PLG: variants seen among roughly 807,000 people sequenced by gnomAD.
PLG encodes plasminogen, also known as plasmin.
PLG carries 41 observed loss-of-function variants against 104.4 expected under a neutral mutation model. The observed-to-expected ratio is 0.39, with a 90% CI of 0.31 to 0.51. PLG has a LOEUF of 0.51. PLG is among the 20% of genes least tolerant of loss of function. The pLI is 0.76. For missense variants in PLG, 891 were observed against 1,003.6 expected (o/e 0.89, Z 1.52); for synonymous variants, 337 against 357.1 (o/e 0.94, Z 0.63).
In PLG at chr6:160,738,617, GT is replaced by G; in HGVS notation, c.1877+8del. 6.4e-7 allele frequency: 1 copy of G among 1,572,228 alleles called. No individual in the cohort carries two copies. On this transcript the variant is annotated splice_donor_region_variant and intron_variant, in intron 15 of 18. Transcript: ENST00000308192. This position sits in a 1 kb window ranked among gnomAD's most constrained non-coding sequence, Gnocchi z 6.8. ...TGCTGCCCACTGCTTGGAGAAGTAT[GT>G]TTAGGGGACAATTGACATGAAGTCT...
chr6:160,721,935 C>T (rs1777837108), intron 9 of PLG, among the ~76,000 whole-genome samples: 2 of 152,318 alleles, frequency 1.3e-5, no homozygotes, highest in South Asian at 2.1e-4. Context: ...TGGATCTTTG[C>T]CTGCAGTCCT....
intron 8 of PLG, 41 bp from the exon 9 acceptor site, chr6:160,718,652 T>C: frequency 6.2e-7 from 1 of 1,609,946 alleles, no homozygotes; most frequent in Non-Finnish European, 8.5e-7. Context: ...CTAGACTTTT[T>C]TCTTTTTGGA....
chr6:160,719,492 A>T lies in PLG; in HGVS notation c.1096+654A>T, dbSNP rs1164028687. On this transcript the variant is annotated intron_variant, in intron 9 of 18. Transcript: ENST00000308192. This position sits in a 1 kb window ranked among gnomAD's most constrained non-coding sequence, Gnocchi z 4.1. ...TAAATTTATCTGAGCTTTTAAATTG[A>T]GATGTTCAAACCATTTGCATTCATG... is the stretch of plus-strand genomic sequence containing the variant. Among the ~76,000 whole-genome samples, 1 of 152,154 alleles carries T rather than the reference A, an allele frequency of 6.6e-6. No homozygotes were observed. The highest frequency in any genetic ancestry group is 1.5e-5 in the Non-Finnish European group (1 of 68,032).
chr6:160,729,018 T>A (rs2115171937), intron 10 of PLG, among the ~76,000 whole-genome samples: 1 of 152,196 alleles, frequency 6.6e-6, no homozygotes, highest in South Asian at 2.1e-4. Context: ...TGACAAATGG[T>A]TTGTATCTAG....
At chr6:160,727,275 G>T (rs1173749808) in intron 10 of PLG, among the ~76,000 whole-genome samples, 1 of 149,514 alleles carries the variant, frequency 6.7e-6, no homozygotes, top group Non-Finnish European at 1.5e-5. Context: ...AAGACAACAT[G>T]TGTATATAAT....
chr6:160,714,901 T>A lies in PLG; in HGVS notation c.655T>A (p.Tyr219Asn), dbSNP rs151092364. 6.2e-7 allele frequency: 1 copy of A among 1,613,764 alleles called. No homozygotes were observed. Among genetic ancestry groups the A allele is most frequent in the Non-Finnish European group, 8.5e-7 (1 of 1,179,786 alleles). ...CTCTCAGAGCCCACACGCTCATGGA[T>A]ACATTCCTTCCAAGTAAGTCTCACT... ...WDSQSPHAHG[Y>N]IPSKFPNKNL... The change falls in exon 6 of 19, where the codon TAC becomes AAC. Residue 219 changes from tyrosine (Y) to asparagine (N), a missense_variant. Transcript: ENST00000308192.
intron 9 of PLG, 56 bp from the exon 10 acceptor site, chr6:160,722,352 C>A (rs569230380): frequency 3.2e-5 from 44 of 1,360,062 alleles, no homozygotes; most frequent in Non-Finnish European, 3.2e-6. Flanking sequence ...TAAATTGCTT[C>A]ATGCTTCTTT....
rs1777911081 is a variant in PLG at position 160,725,732 on chromosome 6, T to A, written c.1256+3165T>A. ...CTTTTTACTATACATGCTCTTTAAT[T>A]GTAAAGAGCTAGTCCAAAAACCAAG... is the stretch of plus-strand genomic sequence containing the variant. On this transcript the variant is annotated intron_variant, in intron 10 of 18. Coordinates refer to ENST00000308192, the MANE Select transcript of PLG (RefSeq NM_000301.5). The surrounding 1 kb of genome is among the most constrained non-coding windows in gnomAD (Gnocchi z 6.3). Among the ~76,000 whole-genome samples, 1 of 152,054 alleles carries A rather than the reference T, an allele frequency of 6.6e-6. No homozygotes were observed. The highest frequency in any genetic ancestry group is 2.1e-4 in the South Asian group (1 of 4,828).
intron 4 of PLG, chr6:160,711,563 C>T (rs1777642931): frequency 1.2e-6 from 2 of 1,607,298 alleles, no homozygotes; most frequent in Non-Finnish European, 1.7e-6. Context: ...TAATTCAAAC[C>T]ACAATATGTG....
chr6:160,742,613 C>T (rs1452415056), intron 17 of PLG, among the ~76,000 whole-genome samples: 1 of 151,812 alleles, frequency 6.6e-6, no homozygotes, highest in Admixed American at 6.6e-5. Context: ...CCTTTACTCC[C>T]TTGAGAGTTT....
Position 160,716,703 on chromosome 6 carries a change from C to G in PLG, c.727C>G (p.Pro243Ala). Residue 243 changes from proline (P) to alanine (A), a missense_variant, in exon 7 of 19, where the codon CCT (proline) becomes GCT (alanine). Physicochemically the swap from Pro to Ala is conservative, Grantham distance 27. This residue lies in a region of PLG where 854 missense variants were observed against 932.1 expected (regional missense o/e 0.92). Coordinates refer to ENST00000308192, the MANE Select transcript of PLG (RefSeq NM_000301.5). The part of the protein sequence containing the change: ...YCRNPDRELR[P>A]WCFTTDPNKR... ...TCGTAACCCCGATAGGGAGCTGCGG[C>G]CTTGGTGTTTCACCACCGACCCCAA... 3 of 1,613,850 alleles carry G rather than the reference C, an allele frequency of 1.9e-6. No homozygotes were observed. The highest frequency in any genetic ancestry group is 2.5e-6 in the Non-Finnish European group (3 of 1,179,738).
intron 17 of PLG, among the ~76,000 whole-genome samples, chr6:160,747,662 G>T (rs1023331631): frequency 6.6e-6 from 1 of 152,062 alleles, no homozygotes; most frequent in Non-Finnish European, 1.5e-5. Flanking sequence ...ATTTAAAAAC[G>T]AATGGTCTAG....
intron 10 of PLG, among the ~76,000 whole-genome samples, chr6:160,728,298 C>T (rs75526185): frequency 4.6e-4 from 2 of 4,374 alleles, no homozygotes; most frequent in Admixed American, 3.8e-3. Context: ...AGGAAGGAAT[C>T]AAAAGATCTA....
In PLG at chr6:160,736,774, T is replaced by C. The variant is rs375895176; in HGVS notation, c.1682-113T>C. On this transcript the variant is annotated intron_variant, in intron 13 of 18. Coordinates refer to ENST00000308192, the MANE Select transcript of PLG (RefSeq NM_000301.5). This position sits in a 1 kb window ranked among gnomAD's most constrained non-coding sequence, Gnocchi z 5.2. Reference sequence around the variant, plus strand: ...GTTCCAAAAGATGATGATTTTACTATTTAGTTCGGCCTTTAAGATGTCAAA... The same window carrying C: ...GTTCCAAAAGATGATGATTTTACTACTTAGTTCGGCCTTTAAGATGTCAAA... The C allele has an allele frequency of 4.5e-6, 6 of 1,339,672 alleles. No homozygotes were observed. The African/African-American group carries it at 8.6e-5, about 19-fold the overall frequency. 83.0% of individuals were successfully genotyped at this position (1,339,672 alleles called of 1,614,324 possible).
At chr6:160,710,430 G>A (rs192574387) in intron 3 of PLG, among the ~76,000 whole-genome samples, 2,373 of 152,152 alleles carry the variant, frequency 0.016, 58 homozygotes, top group African/African-American at 0.054. Context: ...ACACCTGCCA[G>A]CTGCATGTGG....
intron 3 of PLG, among the ~76,000 whole-genome samples, chr6:160,709,047 A>G (rs1457807231): frequency 6.6e-6 from 1 of 152,088 alleles, no homozygotes. Context: ...TAAATTGTTA[A>G]CCAGAAGGAA....
At position 160,723,623 on chromosome 6, in the gene PLG, A is replaced by G. The variant is rs1777880288; in HGVS notation, c.1256+1056A>G. On this transcript the variant is annotated intron_variant, in intron 10 of 18. Coordinates refer to ENST00000308192, the MANE Select transcript of PLG (RefSeq NM_000301.5). This position sits in a 1 kb window ranked among gnomAD's most constrained non-coding sequence, Gnocchi z 4.7. The stretch of plus-strand genomic sequence containing the variant: ...CATGAAAGGAAACATTGTGGAGGAA[A>G]GCAGCTCCAGGAATGTCCATAGAAA... Among the ~76,000 whole-genome samples the G allele has an allele frequency of 6.6e-6, 1 of 152,204 alleles. No individual in the cohort carries two copies. Among genetic ancestry groups the G allele is most frequent in the South Asian group, 2.1e-4 (1 of 4,830 alleles).
At chr6:160,715,286 T>A (rs1269759575) in intron 6 of PLG, among the ~76,000 whole-genome samples, 3 of 152,230 alleles carry the variant, frequency 2.0e-5, no homozygotes, top group Non-Finnish European at 4.4e-5. Context: ...TGCTGGTGTA[T>A]TTTCCAAATA....
chr6:160,742,708 T>C (rs1314029311), intron 17 of PLG, among the ~76,000 whole-genome samples: 1 of 152,184 alleles, frequency 6.6e-6, no homozygotes, highest in African/African-American at 2.4e-5. Context: ...GGCATCTTCA[T>C]GAAATTTTTG....
Sources: gnomAD v4.1 joint callset for allele counts (sites outside exome capture counted in the v4.1 genomes callset) on GRCh38, gnomAD v4.1.1 for gene constraint, gnomAD v4.1.1 regional missense constraint, Gnocchi (gnomAD v3.1) non-coding constraint, MANE v1.5 for transcripts, NCBI Gene and HGNC (gene_info 2026-07-23, HGNC 2026-07-21) for gene names.